The following NBPF15 variants were observed in gnomAD, a reference collection of about 807,000 sequenced individuals.
The protein encoded by NBPF15 is NBPF family member NBPF15.
A neutral mutation model predicts 62.2 loss-of-function variants in NBPF15; 74 were observed. The observed-to-expected ratio is 1.19, with a 90% confidence interval of 0.99 to 1.44. The LOEUF (loss-of-function observed/expected upper bound fraction) is 1.44. Ranked by LOEUF, NBPF15 falls within the 40% of genes most tolerant of loss-of-function variation. The pLI, the probability that NBPF15 is intolerant of heterozygous loss-of-function variation, is 0.00. For synonymous variants in NBPF15, 244 were observed against 209.7 expected (o/e 1.16, Z -1.41); for missense variants, 790 against 550.0 (o/e 1.44, Z -4.36).
chr1:144,456,986 G>A (rs1290758416), intron 3 of NBPF15, among the ~76,000 whole-genome samples, 181 bp from the exon 4 acceptor site: 17 of 150,192 alleles, frequency 1.1e-4, no homozygotes, highest in African/African-American at 3.4e-4. Flanking sequence ...CACCAGCCTC[G>A]GCAACATAGT....
At chr1:144,425,095 C>CACACACACAG (rs1668739081) in intron 19 of NBPF15, among the ~76,000 whole-genome samples, 1 of 146,548 alleles carries the variant, frequency 6.8e-6, no homozygotes, top group African/African-American at 2.6e-5. Context: ...CACACACACA[C>CACACACACAG]ACACACACAG....
chr1:144,455,845 G>C (rs1488286614), intron 4 of NBPF15, among the ~76,000 whole-genome samples: 3 of 151,932 alleles, frequency 2.0e-5, no homozygotes, highest in African/African-American at 7.3e-5. Context: ...CTCTAGCCCA[G>C]AGCAGGGCAT....
chr1:144,434,698 T>C (rs1236198724), intron 12 of NBPF15, among the ~76,000 whole-genome samples: 1 of 151,456 alleles, frequency 6.6e-6, no homozygotes, highest in Non-Finnish European at 1.5e-5. Context: ...AGATGAAAGC[T>C]GAGAGCAGTG....
chr1:144,438,659 A>T (rs1448563911), intron 8 of NBPF15, among the ~76,000 whole-genome samples: 1 of 152,076 alleles, frequency 6.6e-6, no homozygotes, highest in Non-Finnish European at 1.5e-5. Flanking sequence ...AACAACTAAT[A>T]GATAGTGTTT....
Position 144,422,850 on chromosome 1 carries a change from A to T in NBPF15, c.*163T>A. On this transcript the variant is annotated 3_prime_UTR_variant, in exon 22 of 22. Transcript: ENST00000581897. ...ACATGGGTCCATTGTCTTCAGATTG[A>T]GCACAGGTTGCCAATGGCATGGTTT... 6.5e-7 allele frequency: 1 copy of T among 1,546,986 alleles called. No individual in the cohort carries two copies.
At chr1:144,428,270 C>T (rs1449039077) in intron 15 of NBPF15, among the ~76,000 whole-genome samples, 2 of 151,786 alleles carry the variant, frequency 1.3e-5, no homozygotes, top group African/African-American at 2.4e-5. Flanking sequence ...AAAGGACACT[C>T]TGTATTTGTG....
intron 6 of NBPF15, 106 bp from the exon 7 acceptor site, chr1:144,440,401 C>G (rs1356474284): frequency 4.7e-5 from 29 of 621,414 alleles, no homozygotes; most frequent in Admixed American, 1.8e-4. Flanking sequence ...CCTAGTCTCA[C>G]CTGAGGGTCA....
chr1:144,436,210 C>G (rs2102041410), intron 10 of NBPF15, among the ~76,000 whole-genome samples: 1 of 152,176 alleles, frequency 6.6e-6, no homozygotes, highest in Non-Finnish European at 1.5e-5. Flanking sequence ...GCATTTCAAA[C>G]CTAATTCTTT....
chr1:144,440,779 A>G (rs1340906655), intron 6 of NBPF15, among the ~76,000 whole-genome samples: 1 of 150,266 alleles, frequency 6.7e-6, no homozygotes, highest in Non-Finnish European at 1.5e-5. Flanking sequence ...CAGACTCCCA[A>G]GTAGTTGGGA....
At chr1:144,447,477 C>T (rs1179840878) in intron 6 of NBPF15, among the ~76,000 whole-genome samples, 1 of 151,816 alleles carries the variant, frequency 6.6e-6, no homozygotes, top group Admixed American at 6.6e-5. Context: ...CTTCCAGGCT[C>T]CATCGGGTGC....
At chr1:144,442,442 T>G (rs1475632022) in intron 6 of NBPF15, among the ~76,000 whole-genome samples, 2 of 147,248 alleles carry the variant, frequency 1.4e-5, no homozygotes, top group East Asian at 4.0e-4. Context: ...TTTTTTCTTT[T>G]TTAAGTGGCG....
intron 6 of NBPF15, among the ~76,000 whole-genome samples, chr1:144,442,218 A>AC (rs1553542919): frequency 0.023 from 2,426 of 106,810 alleles, 330 homozygotes; most frequent in African/African-American, 0.1. Flanking sequence ...TAATATATAT[A>AC]ATATATATAT....
At chr1:144,428,178 GAC>G (rs782021320) in intron 15 of NBPF15, among the ~76,000 whole-genome samples, 188 bp from the exon 16 acceptor site, 6,619 of 131,694 alleles carry the variant, frequency 0.05, 236 homozygotes, top group East Asian at 0.21. Context: ...GAAAGAGAAA[GAC>G]ACACACACAC....
rs781963039 is a variant in NBPF15 at position 144,423,030 on chromosome 1, CT to C, written c.1995del (p.Val666SerfsTer29). 1 of 1,611,650 alleles carries C rather than the reference CT, an allele frequency of 6.2e-7. No individual in the cohort carries two copies. Among genetic ancestry groups the C allele is most frequent in the Admixed American group, 1.7e-5 (1 of 59,960 alleles). ...VTSLHLVFQM[G>X]VIFPQ is the part of the protein sequence containing the mutation. ...AGAGCTGCTTATTGTGGGAATATGA[CT>C]CCCATCTGGAACACCAGGTGGAGAC... is the stretch of plus-strand genomic sequence containing the variant. On this transcript the variant is annotated frameshift_variant, in exon 22 of 22. Transcript: ENST00000581897. LOFTEE classifies it high-confidence loss of function.
At chr1:144,458,648 C>T (rs1485026626) in intron 3 of NBPF15, among the ~76,000 whole-genome samples, 14 of 150,734 alleles carry the variant, frequency 9.3e-5, no homozygotes, top group African/African-American at 2.9e-4. Context: ...ACCATGCAGT[C>T]ATCCGATTTA....
At chr1:144,439,688 A>C (rs1553542160) in intron 8 of NBPF15, 141 bp downstream of exon 8, 3 of 674,402 alleles carry the variant, frequency 4.4e-6, no homozygotes, top group African/African-American at 1.8e-5. Flanking sequence ...CAACTTTAAC[A>C]AAATGTTAAA....
At chr1:144,457,699 A>C (rs782343691) in intron 3 of NBPF15, among the ~76,000 whole-genome samples, 38 of 152,108 alleles carry the variant, frequency 2.5e-4, no homozygotes, top group Non-Finnish European at 1.5e-4. Flanking sequence ...GAACACATAC[A>C]AAATAATCAT....
intron 6 of NBPF15, among the ~76,000 whole-genome samples, chr1:144,445,354 T>TATATATATACACACAC (rs1322315552): frequency 1.9e-5 from 2 of 104,478 alleles, no homozygotes; most frequent in African/African-American, 1.1e-4. Context: ...TATATATATA[T>TATATATATACACACAC]ACACACACAC....
intron 13 of NBPF15, among the ~76,000 whole-genome samples, chr1:144,432,820 C>A (rs1675448363): frequency 6.6e-6 from 1 of 152,088 alleles, no homozygotes; most frequent in African/African-American, 2.4e-5. Flanking sequence ...TCCTGAGAGA[C>A]CTACAAAGAG....
Sources: allele counts gnomAD v4.1 joint callset (sites outside exome capture counted in the v4.1 genomes callset), GRCh38; gene constraint gnomAD v4.1.1; transcripts MANE v1.5; gene names NCBI Gene and HGNC (gene_info 2026-07-23, HGNC 2026-07-21).